The following TNRC18 variants were observed in gnomAD, a reference collection of about 807,000 sequenced individuals.
The protein encoded by TNRC18 is trinucleotide repeat containing 18, also known as trinucleotide repeat-containing gene 18 protein.
A neutral mutation model predicts 226.7 loss-of-function variants in TNRC18; 69 were observed. That is an observed-to-expected ratio of 0.30 (90% CI 0.25 to 0.37). The LOEUF is 0.37. Among genes scored for constraint, TNRC18 ranks in the 10% least tolerant of loss-of-function variants. The probability of loss-of-function intolerance (pLI) is 1.00; values close to 1 mark genes in which losing one functional copy is unlikely to be tolerated. For missense variants in TNRC18, 4,754 were observed against 4,256.6 expected, an observed-to-expected ratio of 1.12 and a Z score of -3.25; for synonymous variants, 2,449 against 1,927.6, an observed-to-expected ratio of 1.27 and a Z score of -7.09.
intron 14 of TNRC18, among the ~76,000 whole-genome samples, chr7:5,361,357 T>A (rs1793027388): frequency 6.6e-6 from 1 of 152,094 alleles, no homozygotes. Context: ...GGTGAAGCGC[T>A]GGGTTAGGAC....
chr7:5,333,647 G>A (rs1789792072), intron 18 of TNRC18, among the ~76,000 whole-genome samples: 1 of 149,928 alleles, frequency 6.7e-6, no homozygotes, highest in Non-Finnish European at 1.5e-5. Flanking sequence ...CTGCTTGAAT[G>A]CACAGCCTCT....
intron 2 of TNRC18, among the ~76,000 whole-genome samples, chr7:5,410,069 G>A (rs1414983289): frequency 6.6e-6 from 1 of 151,554 alleles, no homozygotes; most frequent in Non-Finnish European, 1.5e-5. Flanking sequence ...CCAGCATTTT[G>A]GAAGGCTGAA....
intron 17 of TNRC18, 113 bp downstream of exon 17, chr7:5,351,705 CG>C: frequency 8.1e-7 from 1 of 1,239,142 alleles, no homozygotes; most frequent in Non-Finnish European, 1.1e-6. Flanking sequence ...GCCATCCGCA[CG>C]GGCCTCCTCA....
intron 2 of TNRC18, among the ~76,000 whole-genome samples, chr7:5,400,577 A>AC (rs1302613671): frequency 1.3e-5 from 2 of 152,152 alleles, no homozygotes; most frequent in Admixed American, 6.6e-5. Context: ...ACGCCACTGC[A>AC]CTCCAGCCTG....
In TNRC18 at chr7:5,324,810, G is replaced by A. The variant is rs1203976291; in HGVS notation, c.6300+286C>T. Among the ~76,000 whole-genome samples the A allele has an allele frequency of 6.6e-6, 1 of 152,196 alleles. No individual in the cohort carries two copies. The highest frequency in any genetic ancestry group is 1.5e-5 in the Non-Finnish European group (1 of 68,040). On this transcript the variant is annotated intron_variant, in intron 20 of 29. Transcript: ENST00000430969. The surrounding 1 kb of genome is among the most constrained non-coding windows in gnomAD (Gnocchi z 4.8). ...TCACCCAAGCCTGAGGGCCCTGTGA[G>A]GACCTGGTGCTGGGCTGGGGGCCTG...
intron 21 of TNRC18, among the ~76,000 whole-genome samples, chr7:5,323,775 C>T (rs1293015340): frequency 1.3e-5 from 2 of 152,012 alleles, no homozygotes; most frequent in Non-Finnish European, 2.9e-5. Flanking sequence ...ACCATGTTGG[C>T]CAGGCTGGTC....
intron 10 of TNRC18, among the ~76,000 whole-genome samples, chr7:5,372,085 T>G (rs1794208602): frequency 7.0e-6 from 1 of 141,970 alleles, no homozygotes; most frequent in Non-Finnish European, 1.5e-5. Context: ...TTTTTTTTTT[T>G]GAGACGCAGT....
At chr7:5,405,460 T>C (rs1453313680) in intron 2 of TNRC18, among the ~76,000 whole-genome samples, 3 of 151,784 alleles carry the variant, frequency 2.0e-5, no homozygotes, top group African/African-American at 7.3e-5. Flanking sequence ...TCCCAGCTAT[T>C]AAGGAGGCTA....
chr7:5,403,835 A>T (rs1195560175), intron 2 of TNRC18, among the ~76,000 whole-genome samples: 3 of 152,034 alleles, frequency 2.0e-5, no homozygotes, highest in Non-Finnish European at 4.4e-5. Flanking sequence ...TCAACAGACT[A>T]TCAGAGCATC....
Position 5,332,845 on chromosome 7 carries a change from C to G in TNRC18, c.5924G>C (p.Arg1975Pro). ...VEKGRKARKL[R>P]GPKEPGFEAG... ...CTCGAAGCCAGGCTCCTTGGGGCCC[C>G]GCAGCTTCCGGGCCTTGCGCCCCTT... Residue 1975 changes from arginine to proline, a missense_variant, in exon 19 of 30, where the codon CGG (arginine) becomes CCG (proline). Coordinates refer to ENST00000430969, the MANE Select transcript of TNRC18 (RefSeq NM_001080495.3). The G allele has an allele frequency of 1.3e-6, 2 of 1,509,510 alleles. No homozygotes were observed. Among genetic ancestry groups the G allele is most frequent in the Non-Finnish European group, 1.8e-6 (2 of 1,138,208 alleles). 93.5% of individuals were successfully genotyped at this position (1,509,510 alleles called of 1,614,324 possible). A position where few individuals can be genotyped will look rare whatever the true frequency, so the allele number is the denominator to read the frequency against.
In TNRC18 at chr7:5,394,329, G is replaced by T; in HGVS notation, c.343+111C>A. ...AACAACAGGGAAGCCAGGTGACCTG[G>T]GACCCACCAGCCCCAGCTCAGCGAT... On this transcript the variant is annotated intron_variant, in intron 3 of 29. Coordinates refer to ENST00000430969, the MANE Select transcript of TNRC18 (RefSeq NM_001080495.3). This position sits in a 1 kb window ranked among gnomAD's most constrained non-coding sequence, Gnocchi z 4.5. 2 of 1,085,138 alleles carry T rather than the reference G, an allele frequency of 1.8e-6. No individual in the cohort carries two copies. The highest frequency in any genetic ancestry group is 2.5e-6 in the Non-Finnish European group (2 of 790,220). 67.2% of individuals were successfully genotyped at this position (1,085,138 alleles called of 1,614,324 possible).
intron 24 of TNRC18, among the ~76,000 whole-genome samples, chr7:5,318,190 G>C (rs368818947): frequency 3.9e-5 from 6 of 152,060 alleles, no homozygotes; most frequent in South Asian, 4.2e-4. Flanking sequence ...GCTAATTTTT[G>C]TATCTTTTTG....
chr7:5,374,548 C>T, intron 9 of TNRC18, 64 bp from the exon 10 acceptor site: 2 of 1,477,440 alleles, frequency 1.4e-6, no homozygotes, highest in East Asian at 2.7e-5. Flanking sequence ...ACGCCCGCAC[C>T]TGCCCTGTCC....
At chr7:5,311,032 G>A (rs1242941977) in intron 27 of TNRC18, among the ~76,000 whole-genome samples, 3 of 152,256 alleles carry the variant, frequency 2.0e-5, no homozygotes, top group East Asian at 3.8e-4. Flanking sequence ...GTGTACGTGT[G>A]CAAGTGTGCA....
chr7:5,324,655 C>T lies in TNRC18; in HGVS notation c.6301-300G>A, dbSNP rs932655546. On this transcript the variant is annotated intron_variant, in intron 20 of 29. Transcript: ENST00000430969. This position sits in a 1 kb window ranked among gnomAD's most constrained non-coding sequence, Gnocchi z 4.8. The stretch of plus-strand genomic sequence containing the variant: ...AGTCCATCACTATGGCAGGTGCCTC[C>T]GTTCCCTTCTTAGAGAAACTTCAGC... Among the ~76,000 whole-genome samples, 6 of 152,210 alleles carry T rather than the reference C, an allele frequency of 3.9e-5. No individual in the cohort carries two copies. Among genetic ancestry groups the T allele is most frequent in the African/African-American group, 1.2e-4 (5 of 41,458 alleles).
At chr7:5,404,365 C>T (rs750993835) in intron 2 of TNRC18, among the ~76,000 whole-genome samples, 3 of 151,434 alleles carry the variant, frequency 2.0e-5, no homozygotes, top group Admixed American at 6.6e-5. Context: ...AGCAAGACTC[C>T]GTCTTGAGAA....
At chr7:5,316,296 T>TTTTTTTG (rs71004654) in intron 24 of TNRC18, among the ~76,000 whole-genome samples, 1 of 144,564 alleles carries the variant, frequency 6.9e-6, no homozygotes, top group African/African-American at 2.7e-5. Flanking sequence ...TTTTTTTTTT[T>TTTTTTTG]GAGACAGAGT....
intron 5 of TNRC18, among the ~76,000 whole-genome samples, chr7:5,381,548 C>G (rs1217964995): frequency 1.3e-5 from 2 of 152,114 alleles, no homozygotes; most frequent in Non-Finnish European, 2.9e-5. Flanking sequence ...CATTCACTGT[C>G]TGTGTCCTCG....
intron 11 of TNRC18, among the ~76,000 whole-genome samples, chr7:5,368,976 G>T (rs1793898341): frequency 6.6e-6 from 1 of 152,072 alleles, no homozygotes; most frequent in Admixed American, 6.6e-5. Flanking sequence ...ACACCCCAGA[G>T]GCAACACATC....
Sources: allele counts gnomAD v4.1 joint callset (sites outside exome capture counted in the v4.1 genomes callset), GRCh38; gene constraint gnomAD v4.1.1; non-coding constraint Gnocchi (gnomAD v3.1); transcripts MANE v1.5; gene names NCBI Gene and HGNC (gene_info 2026-07-23, HGNC 2026-07-21).